ATP1B3: variants seen among roughly 807,000 people sequenced by gnomAD.
ATP1B3 encodes sodium/potassium-transporting ATPase subunit beta-3.
ATP1B3 carries 10 observed loss-of-function variants against 30.2 expected under a neutral mutation model. That is an observed-to-expected ratio of 0.33 (90% CI 0.20 to 0.56). The LOEUF is 0.56. Ranked by LOEUF, ATP1B3 falls within the 20% of genes least tolerant of loss-of-function variation. ATP1B3 has a pLI of 0.90. For synonymous variants in ATP1B3, 113 were observed against 117.0 expected, an observed-to-expected ratio of 0.97 and a Z score of 0.22; for missense variants, 238 against 336.7, an observed-to-expected ratio of 0.71 and a Z score of 2.29.
At chr3:141,894,890 T>C (rs1469288521) in intron 1 of ATP1B3, among the ~76,000 whole-genome samples, 3 of 152,236 alleles carry the variant, frequency 2.0e-5, no homozygotes, top group African/African-American at 7.2e-5. Context: ...TTAAGTATTA[T>C]GCATTGTACA....
intron 1 of ATP1B3, among the ~76,000 whole-genome samples, chr3:141,879,811 CTTTT>C (rs150389395): frequency 0.15 from 8,428 of 57,774 alleles, 546 homozygotes; most frequent in East Asian, 0.39. Context: ...TTGGTAACAG[CTTTT>C]TTTTTTTTTT....
intron 2 of ATP1B3, among the ~76,000 whole-genome samples, chr3:141,904,668 T>G (rs1238422919): frequency 6.6e-6 from 1 of 151,388 alleles, no homozygotes; most frequent in Non-Finnish European, 1.5e-5. Flanking sequence ...CTAAACCACA[T>G]TTTCTACCTC....
At chr3:141,893,597 G>C (rs912400109) in intron 1 of ATP1B3, among the ~76,000 whole-genome samples, 8 of 152,028 alleles carry the variant, frequency 5.3e-5, no homozygotes, top group African/African-American at 1.9e-4. Flanking sequence ...CAGTTCTCCT[G>C]AGGTTAAGTT....
At chr3:141,924,289 A>G (rs1934615351) in intron 6 of ATP1B3, among the ~76,000 whole-genome samples, 1 of 146,432 alleles carries the variant, frequency 6.8e-6, no homozygotes, top group Non-Finnish European at 1.5e-5. Context: ...GGTTGCAGTG[A>G]GCCGAGATTG....
At chr3:141,912,497 G>A (rs1487522785) in intron 3 of ATP1B3, among the ~76,000 whole-genome samples, 3 of 151,982 alleles carry the variant, frequency 2.0e-5, no homozygotes, top group Non-Finnish European at 4.4e-5. Context: ...TCTTCATCTC[G>A]TGATCCACCC....
intron 5 of ATP1B3, among the ~76,000 whole-genome samples, chr3:141,917,811 A>G (rs1399682589): frequency 6.7e-6 from 1 of 149,826 alleles, no homozygotes; most frequent in East Asian, 2.0e-4. Context: ...TCTGTTGCCC[A>G]GGCTGGAGTG....
At chr3:141,917,017 AT>A (rs63326663) in intron 5 of ATP1B3, among the ~76,000 whole-genome samples, 79,723 of 122,824 alleles carry the variant, frequency 0.65, 26,217 homozygotes, top group African/African-American at 0.87. Flanking sequence ...CTCCCGGCTA[AT>A]TTTTTTTTTT....
At chr3:141,898,186 C>G (rs1321554577) in intron 1 of ATP1B3, among the ~76,000 whole-genome samples, 1 of 152,114 alleles carries the variant, frequency 6.6e-6, no homozygotes, top group Non-Finnish European at 1.5e-5. Context: ...TCTTTATGAC[C>G]TTGGATTAGT....
At chr3:141,891,883 T>C (rs1933960267) in intron 1 of ATP1B3, among the ~76,000 whole-genome samples, 1 of 150,574 alleles carries the variant, frequency 6.6e-6, no homozygotes, top group Non-Finnish European at 1.5e-5. Context: ...TGTTAGAGAA[T>C]GTGGCCTCTT....
At chr3:141,911,296 G>C (rs1016894476) in intron 3 of ATP1B3, among the ~76,000 whole-genome samples, 3 of 151,498 alleles carry the variant, frequency 2.0e-5, no homozygotes, top group Admixed American at 1.3e-4. Flanking sequence ...ACTCCTTTTT[G>C]GTTTTTAAAA....
intron 2 of ATP1B3, among the ~76,000 whole-genome samples, chr3:141,906,850 T>C (rs1376823142): frequency 6.6e-6 from 1 of 152,244 alleles, no homozygotes; most frequent in Non-Finnish European, 1.5e-5. Flanking sequence ...AAAAATGTTA[T>C]TTGATTTTTT....
At chr3:141,878,552 C>T (rs1933651953) in intron 1 of ATP1B3, among the ~76,000 whole-genome samples, 1 of 152,182 alleles carries the variant, frequency 6.6e-6, no homozygotes, top group East Asian at 1.9e-4. Context: ...GTTAGAATGA[C>T]ATTTCTTACT....
chr3:141,880,102 T>A (rs1933695226), intron 1 of ATP1B3, among the ~76,000 whole-genome samples: 2 of 152,138 alleles, frequency 1.3e-5, no homozygotes, highest in South Asian at 4.1e-4. Flanking sequence ...CTCATTTTGA[T>A]CTAAGGTTCC....
chr3:141,904,380 T>C (rs1318047833), intron 2 of ATP1B3, among the ~76,000 whole-genome samples: 2 of 152,038 alleles, frequency 1.3e-5, no homozygotes, highest in African/African-American at 2.4e-5. Flanking sequence ...AATATAGTTA[T>C]AGTTATGAGT....
intron 6 of ATP1B3, 88 bp downstream of exon 6, chr3:141,922,151 C>T (rs774029050): frequency 5.5e-6 from 4 of 731,594 alleles, no homozygotes; most frequent in South Asian, 3.6e-5. Context: ...GGTAGGTAGA[C>T]GCCAGCCCTG....
rs777316470 is a variant in ATP1B3, at chr3:141,907,234, G to T, written c.306G>T (p.Ser102=). ...EYTFSRSDPT[S]YAGYIEDLKK... ...CATTCAGTAGGTCTGATCCAACTTC[G>T]TATGCAGGGTACATTGAAGACCTTA... The change falls in exon 3 of 7, where the codon TCG becomes TCT. Residue 102 remains serine, a synonymous_variant. Transcript: ENST00000286371. 15 of 1,612,418 alleles carry T rather than the reference G, an allele frequency of 9.3e-6. No homozygotes were observed. Among genetic ancestry groups the T allele is most frequent in the Non-Finnish European group, 1.2e-5 (14 of 1,179,410 alleles).
Position 141,907,555 on chromosome 3 carries a change from C to T in ATP1B3, c.346+281C>T, listed in dbSNP as rs182916055. On this transcript the variant is annotated intron_variant, in intron 3 of 6. Coordinates refer to ENST00000286371, the MANE Select transcript of ATP1B3 (RefSeq NM_001679.4). ...ACTCGGGAGGCTGAGGCAGAATAAT[C>T]GCTTGAGCCTGGGAGGCAAAGGTTG... Among the ~76,000 whole-genome samples, 4 of 152,080 alleles carry T rather than the reference C, an allele frequency of 2.6e-5. No homozygotes were observed. In the East Asian group the frequency reaches 7.7e-4, roughly 29 times the overall value.
intron 2 of ATP1B3, among the ~76,000 whole-genome samples, chr3:141,906,193 T>TC (rs1934262977): frequency 6.6e-6 from 1 of 152,232 alleles, no homozygotes; most frequent in East Asian, 1.9e-4. Context: ...CTTTTTTTTT[T>TC]TTTTGAGACG....
intron 6 of ATP1B3, among the ~76,000 whole-genome samples, 167 bp from the exon 7 acceptor site, chr3:141,925,362 CTG>C (rs1277106832): frequency 6.6e-6 from 1 of 151,944 alleles, no homozygotes; most frequent in Non-Finnish European, 1.5e-5. Context: ...ACTTAGGAAA[CTG>C]AGGTGGGAGG....
Sources: allele counts gnomAD v4.1 joint callset (sites outside exome capture counted in the v4.1 genomes callset), GRCh38; gene constraint gnomAD v4.1.1; transcripts MANE v1.5; gene names NCBI Gene and HGNC (gene_info 2026-07-23, HGNC 2026-07-21).